The following PHRF1 variants were observed in gnomAD, a reference collection of about 807,000 sequenced individuals.
PHRF1 encodes the protein PHD and RING finger domain-containing protein 1.
PHRF1 carries 53 observed loss-of-function variants against 128.9 expected under a neutral mutation model. That is an observed-to-expected ratio of 0.41 (90% confidence interval 0.33 to 0.52). The LOEUF is 0.52. PHRF1 is among the 20% of genes least tolerant of loss of function. PHRF1 has a pLI of 0.21. For synonymous variants in PHRF1, 1,178 were observed against 980.6 expected (o/e 1.20, Z -3.76); for missense variants, 2,503 against 2,284.5 (o/e 1.10, Z -1.95).
rs181353870 is a variant in PHRF1, at chr11:578,294, C to T, written c.-22+1702C>T. ...GCCCCTGGTTACTTTTGTGTGATAT[C>T]GAGGAAGGATGTTGTTCAGCCTCAC... On this transcript the variant is annotated intron_variant, in intron 1 of 17. Transcript: ENST00000264555. 3.3e-5 allele frequency among the ~76,000 whole-genome samples: 5 copies of T among 152,266 alleles called. No individual in the cohort carries two copies. In the East Asian group the frequency reaches 5.8e-4, roughly 18 times the overall value.
rs60679095 is a variant in PHRF1 at position 609,768 on chromosome 11, A to G, written c.4264+48A>G. 7.4e-4 allele frequency: 951 copies of G among 1,284,770 alleles called. 47 individuals are homozygous for G. In the African/African-American group the frequency reaches 0.014, roughly 18 times the overall value. The allele number at this position is 1,284,770 out of a possible 1,614,324, so 79.6% of individuals were successfully genotyped here. A position where few individuals can be genotyped will look rare whatever the true frequency, so the allele number is the denominator to read the frequency against. ...CCGAGGACAGAGCCCCCAGTGAGTA[A>G]GGCCCTGGCCCCCGCCGAGGACAGA... is the stretch of plus-strand genomic sequence containing the variant. On this transcript the variant is annotated intron_variant, in intron 14 of 17. Coordinates refer to ENST00000264555, the MANE Select transcript of PHRF1 (RefSeq NM_001286581.2).
chr11:610,616 G>A lies in PHRF1; in HGVS notation c.4532G>A (p.Gly1511Asp), dbSNP rs769450010. The A allele has an allele frequency of 5.0e-6, 8 of 1,606,064 alleles. No individual in the cohort carries two copies. The highest frequency in any genetic ancestry group is 1.6e-4 in the Middle Eastern group (1 of 6,084). Residue 1511 changes from glycine (G) to aspartate (D), a missense_variant, in exon 16 of 18, where the codon GGC becomes GAC. Coordinates refer to ENST00000264555, the MANE Select transcript of PHRF1 (RefSeq NM_001286581.2). ...FILQGSLPLVGCGAAQTLAPV... is the reference protein window; with the variant it reads ...FILQGSLPLVDCGAAQTLAPV... ...CTTCAGGGGAGCCTGCCGCTAGTGG[G>A]CTGTGGGGCAGCACAGACCCTGGCC... is the stretch of plus-strand genomic sequence containing the variant.
chr11:596,021 G>A (rs1466157661), intron 6 of PHRF1, among the ~76,000 whole-genome samples: 4 of 152,194 alleles, frequency 2.6e-5, no homozygotes, highest in African/African-American at 4.8e-5. Flanking sequence ...CTTCTCATAG[G>A]TGCAGGACTC....
intron 10 of PHRF1, among the ~76,000 whole-genome samples, chr11:603,179 C>T (rs1364944307): frequency 2.0e-5 from 3 of 152,144 alleles, no homozygotes; most frequent in East Asian, 1.9e-4. Flanking sequence ...CCTCAGCTTC[C>T]TGAGTAGCTG....
At chr11:606,732 C>T in intron 13 of PHRF1, 136 bp downstream of exon 13, 1 of 1,268,220 alleles carries the variant, frequency 7.9e-7, no homozygotes, top group Non-Finnish European at 1.1e-6. Context: ...CATTTTTCTG[C>T]ATTGATTTCC....
intron 8 of PHRF1, among the ~76,000 whole-genome samples, chr11:598,137 T>C (rs1855405250): frequency 6.6e-6 from 1 of 152,168 alleles, no homozygotes; most frequent in Admixed American, 6.5e-5. Context: ...ACTGGTGCCC[T>C]CTCGTGTGCC....
chr11:592,721 C>T (rs201056875), intron 6 of PHRF1, 47 bp downstream of exon 6: 278 of 1,588,342 alleles, frequency 1.8e-4, no homozygotes, highest in Non-Finnish European at 2.2e-4. Context: ...GCGTGCAAGG[C>T]GGGCCAGGCG....
intron 4 of PHRF1, among the ~76,000 whole-genome samples, chr11:589,831 T>C (rs1224096764): frequency 4.3e-5 from 6 of 139,638 alleles, no homozygotes; most frequent in African/African-American, 1.9e-4. Context: ...GGGCTCAGCC[T>C]GAGAGAGAGT....
chr11:608,948 GT>G lies in PHRF1; in HGVS notation c.3493del (p.Ser1165ProfsTer34). On this transcript the variant is annotated frameshift_variant, in exon 14 of 18. Transcript: ENST00000264555. LOFTEE classifies it high-confidence loss of function. Reference sequence around the variant, plus strand: ...GAGACCGGAGGAAGCGGAGGTCCCGGTCCCCAAGCTCGGAGCACAGGGCACG... The same window carrying G: ...GAGACCGGAGGAAGCGGAGGTCCCGGCCCCAAGCTCGGAGCACAGGGCACG... ...PRDRRKRRSR[S>X]PSSEHRAREH... is the part of the protein sequence containing the mutation. 1 of 1,611,510 alleles carries G rather than the reference GT, an allele frequency of 6.2e-7. No homozygotes were observed. The highest frequency in any genetic ancestry group is 8.5e-7 in the Non-Finnish European group (1 of 1,179,564).
At chr11:590,556 C>T (rs1442070960) in intron 4 of PHRF1, among the ~76,000 whole-genome samples, 3 of 152,134 alleles carry the variant, frequency 2.0e-5, no homozygotes, top group African/African-American at 2.4e-5. Flanking sequence ...TTTGTCAGAG[C>T]CGATTGAATT....
chr11:591,649 T>G (rs374234723), intron 5 of PHRF1, among the ~76,000 whole-genome samples, 182 bp downstream of exon 5: 10 of 152,312 alleles, frequency 6.6e-5, no homozygotes, highest in African/African-American at 2.4e-4. Flanking sequence ...GGGTCTGGGT[T>G]GGGGGTTAGA....
Position 609,731 on chromosome 11 carries a change from C to A in PHRF1, c.4264+11C>A, listed in dbSNP as rs772283041. ...AGGACAGAGCCCCCCGTGAGTAGTG[C>A]CCCGGCCCCCACCGAGGACAGAGCC... On this transcript the variant is annotated intron_variant, in intron 14 of 17. Coordinates refer to ENST00000264555, the MANE Select transcript of PHRF1 (RefSeq NM_001286581.2). The A allele has an allele frequency of 6.9e-7, 1 of 1,449,580 alleles. No individual in the cohort carries two copies. The highest frequency in any genetic ancestry group is 9.1e-7 in the Non-Finnish European group (1 of 1,101,760). The allele number at this position is 1,449,580 out of a possible 1,614,324, so 89.8% of individuals were successfully genotyped here. A position where few individuals can be genotyped will look rare whatever the true frequency, so the allele number is the denominator to read the frequency against.
chr11:587,116 G>C, intron 3 of PHRF1, 143 bp from the exon 4 acceptor site: 1 of 727,832 alleles, frequency 1.4e-6, no homozygotes, highest in South Asian at 1.7e-5. Flanking sequence ...CGTGGACGTG[G>C]AGGTAAGTGG....
rs1478214641 is a variant in PHRF1 at position 610,944 on chromosome 11, T to TC, written c.4678-6dup. ...CCTTCCTGGCCGCATCACACACATGTCCCCTCTAGTACATGAAGAAGCTGC... is the reference window on the plus strand; with the variant it reads ...CCTTCCTGGCCGCATCACACACATGTCCCCCTCTAGTACATGAAGAAGCTGC... On this transcript the variant is annotated splice_polypyrimidine_tract_variant and intron_variant, in intron 16 of 17. Coordinates refer to ENST00000264555, the MANE Select transcript of PHRF1 (RefSeq NM_001286581.2). 4 of 1,612,228 alleles carry TC rather than the reference T, an allele frequency of 2.5e-6. No homozygotes were observed. Among genetic ancestry groups the TC allele is most frequent in the Non-Finnish European group, 3.4e-6 (4 of 1,179,378 alleles).
Position 610,528 on chromosome 11 carries a change from C to G in PHRF1, c.4444C>G (p.Pro1482Ala), listed in dbSNP as rs776261632. 2 of 1,604,870 alleles carry G rather than the reference C, an allele frequency of 1.2e-6. No individual in the cohort carries two copies. Among genetic ancestry groups the G allele is most frequent in the East Asian group, 2.2e-5 (1 of 44,824 alleles). Residue 1482 changes from proline to alanine, a missense_variant, in exon 16 of 18, where the codon CCG becomes GCG. Transcript: ENST00000264555. ...TTACAGCCCCGGCCTGCCGCCTGCC[C>G]CGGCCCAGCCCTCAAGCATCCCACC... ...QVYSPGLPPA[P>A]AQPSSIPPCA...
intron 3 of PHRF1, among the ~76,000 whole-genome samples, chr11:586,369 C>T (rs1854560780): frequency 6.6e-6 from 1 of 152,264 alleles, no homozygotes; most frequent in Admixed American, 6.5e-5. Context: ...TCTCACTTCT[C>T]CCAGCCTCTT....
intron 6 of PHRF1, among the ~76,000 whole-genome samples, chr11:593,301 A>G (rs1372929814): frequency 2.0e-5 from 3 of 152,216 alleles, no homozygotes; most frequent in East Asian, 1.9e-4. Context: ...TGGAGAGAGG[A>G]TTCTGGAAAT....
Position 611,014 on chromosome 11 carries a change from C to T in PHRF1, c.4738C>T (p.Pro1580Ser), listed in dbSNP as rs779158247. The change falls in exon 17 of 18, where the codon CCC becomes TCC. Residue 1580 changes from proline to serine, a missense_variant. Pro to Ser is a moderately conservative substitution (Grantham distance 74). Transcript: ENST00000264555. ...GGAGGAGGTGAAGCTGGCCATCAAG[C>T]CCTTCTACCAGAAGAGGGAGGTGAC... ...AVEEVKLAIK[P>S]FYQKREVTKE... 1.2e-6 allele frequency: 2 copies of T among 1,613,442 alleles called. No homozygotes were observed. Among genetic ancestry groups the T allele is most frequent in the African/African-American group, 2.7e-5 (2 of 75,008 alleles).
intron 9 of PHRF1, among the ~76,000 whole-genome samples, chr11:600,391 G>A (rs567357031): frequency 4.3e-4 from 65 of 151,316 alleles, no homozygotes; most frequent in African/African-American, 1.5e-3. Flanking sequence ...TGTAATCCCA[G>A]CACTTTGGGA....
Sources: gnomAD v4.1 joint callset for allele counts (sites outside exome capture counted in the v4.1 genomes callset) on GRCh38, gnomAD v4.1.1 for gene constraint, MANE v1.5 for transcripts, NCBI Gene and HGNC (gene_info 2026-07-23, HGNC 2026-07-21) for gene names.